LRRC4C: variants seen among roughly 807,000 people sequenced by gnomAD.
LRRC4C encodes the protein leucine rich repeat containing 4C.
LRRC4C carries 5 observed loss-of-function variants against 33.6 expected under a neutral mutation model. That is an observed-to-expected ratio of 0.15 (90% CI 0.08 to 0.31). LRRC4C has a LOEUF of 0.31. Among genes scored for constraint, LRRC4C ranks in the 10% least tolerant of loss-of-function variants. LRRC4C has a pLI of 1.00. For synonymous variants in LRRC4C, 329 were observed against 302.0 expected, an observed-to-expected ratio of 1.09 and a Z score of -0.93; for missense variants, 560 against 796.7, an observed-to-expected ratio of 0.70 and a Z score of 3.58.
At chr11:40,621,657 AG>A (rs1342107287) in intron 3 of LRRC4C, among the ~76,000 whole-genome samples, 1 of 151,818 alleles carries the variant, frequency 6.6e-6, no homozygotes, top group African/African-American at 2.4e-5. Flanking sequence ...AAGATGCAGG[AG>A]GGATGGAACC....
At chr11:40,124,272 C>T (rs1856044045) in intron 6 of LRRC4C, among the ~76,000 whole-genome samples, 1 of 152,112 alleles carries the variant, frequency 6.6e-6, no homozygotes, top group African/African-American at 2.4e-5. Flanking sequence ...AAAAATATAA[C>T]TATAATATAA....
chr11:40,429,414 C>G (rs1380936732), intron 3 of LRRC4C, among the ~76,000 whole-genome samples: 1 of 152,152 alleles, frequency 6.6e-6, no homozygotes, highest in Non-Finnish European at 1.5e-5. Flanking sequence ...TTACTCTTTG[C>G]ATCCATCTTA....
intron 3 of LRRC4C, 116 bp downstream of exon 3, chr11:40,648,026 A>C (rs1298183968): frequency 6.6e-6 from 1 of 152,238 alleles, no homozygotes; most frequent in African/African-American, 2.4e-5. Context: ...CGGGAGGGAA[A>C]AGAAGCTGTC....
intron 1 of LRRC4C, among the ~76,000 whole-genome samples, chr11:41,244,055 T>C (rs1052870097): frequency 1.3e-5 from 2 of 152,132 alleles, no homozygotes; most frequent in Non-Finnish European, 2.9e-5. Flanking sequence ...ACACTTAATT[T>C]ATAGTCAGAT....
chr11:41,229,273 G>A (rs1157919037), intron 1 of LRRC4C, among the ~76,000 whole-genome samples: 3 of 152,008 alleles, frequency 2.0e-5, no homozygotes, highest in Admixed American at 6.6e-5. Flanking sequence ...TAGAAAGAAG[G>A]CAACTATCTG....
chr11:40,969,858 T>C (rs1373300320), intron 1 of LRRC4C, among the ~76,000 whole-genome samples: 28 of 152,204 alleles, frequency 1.8e-4, no homozygotes, highest in Admixed American at 1.8e-3. Context: ...GCTAATATAC[T>C]ATTCAGTTGA....
At chr11:41,358,958 T>G (rs1952255290) in intron 1 of LRRC4C, among the ~76,000 whole-genome samples, 1 of 152,122 alleles carries the variant, frequency 6.6e-6, no homozygotes, top group South Asian at 2.1e-4. Flanking sequence ...TTGTCAAAAT[T>G]TGGAAGCAAC....
chr11:41,402,606 G>T (rs1286041203), intron 1 of LRRC4C, among the ~76,000 whole-genome samples: 1 of 152,000 alleles, frequency 6.6e-6, no homozygotes, highest in East Asian at 1.9e-4. Context: ...CGTCTAAAGA[G>T]TTAACTGTCA....
At chr11:41,356,102 T>C (rs956369081) in intron 1 of LRRC4C, among the ~76,000 whole-genome samples, 1 of 152,164 alleles carries the variant, frequency 6.6e-6, no homozygotes, top group Non-Finnish European at 1.5e-5. Context: ...CCCAACAGTA[T>C]GTGATATATT....
At chr11:40,582,737 G>A (rs1484415653) in intron 3 of LRRC4C, among the ~76,000 whole-genome samples, 1 of 151,770 alleles carries the variant, frequency 6.6e-6, no homozygotes, top group Non-Finnish European at 1.5e-5. Flanking sequence ...GGTGGGTCTC[G>A]AACTCCTAAC....
At position 40,587,754 on chromosome 11, in the gene LRRC4C, C is replaced by T. The variant is rs1306634654; in HGVS notation, c.-270+60388G>A. Among the ~76,000 whole-genome samples, 15 of 150,454 alleles carry T rather than the reference C, an allele frequency of 1.0e-4. 2 individuals are homozygous for T. The highest frequency in any genetic ancestry group is 9.3e-4 in the Admixed American group (14 of 15,036). ...ATAATCATGTGGTTTTTGTCTTTGG[C>T]TCTGTTTATATGCTGGATTACATGT... On this transcript the variant is annotated intron_variant, in intron 3 of 6. Coordinates refer to ENST00000528697, the MANE Select transcript of LRRC4C (RefSeq NM_001258419.2).
At chr11:41,378,558 C>A (rs756664861) in intron 1 of LRRC4C, among the ~76,000 whole-genome samples, 2 of 152,060 alleles carry the variant, frequency 1.3e-5, no homozygotes, top group Non-Finnish European at 1.5e-5. Context: ...AATATCCATG[C>A]GGTATGCTCA....
At chr11:41,450,685 T>A (rs1590323368) in intron 1 of LRRC4C, among the ~76,000 whole-genome samples, 1 of 152,166 alleles carries the variant, frequency 6.6e-6, no homozygotes, top group African/African-American at 2.4e-5. Context: ...TAGAATTAAA[T>A]GTGTGACAGC....
At chr11:41,281,858 C>G (rs1949687656) in intron 1 of LRRC4C, among the ~76,000 whole-genome samples, 4 of 152,212 alleles carry the variant, frequency 2.6e-5, no homozygotes, top group Admixed American at 2.6e-4. Context: ...GCTATAAATA[C>G]TACCCCAAAT....
intron 2 of LRRC4C, among the ~76,000 whole-genome samples, chr11:40,857,135 A>T (rs990865985): frequency 6.6e-6 from 1 of 152,220 alleles, no homozygotes; most frequent in African/African-American, 2.4e-5. Context: ...TTTATAAGAC[A>T]CAATGCCTTG....
At chr11:40,224,804 T>C (rs1406274961) in intron 5 of LRRC4C, among the ~76,000 whole-genome samples, 2 of 152,224 alleles carry the variant, frequency 1.3e-5, no homozygotes, top group African/African-American at 4.8e-5. Flanking sequence ...CAATAAAGAC[T>C]TGTGATATCC....
chr11:41,016,768 G>C (rs978237015), intron 1 of LRRC4C, among the ~76,000 whole-genome samples: 1 of 152,092 alleles, frequency 6.6e-6, no homozygotes, highest in South Asian at 2.1e-4. Flanking sequence ...TAGCTCACTC[G>C]ACTCTGAAAG....
At chr11:40,737,591 A>C (rs1386707285) in intron 2 of LRRC4C, among the ~76,000 whole-genome samples, 1 of 151,948 alleles carries the variant, frequency 6.6e-6, no homozygotes, top group African/African-American at 2.4e-5. Context: ...AAAAACAGAG[A>C]GCCAAATCAC....
chr11:40,889,370 C>A (rs1955601722), intron 2 of LRRC4C, among the ~76,000 whole-genome samples: 1 of 152,042 alleles, frequency 6.6e-6, no homozygotes, highest in African/African-American at 2.4e-5. Context: ...TATCTGCATG[C>A]AAATATACAT....
Sources: allele counts gnomAD v4.1 joint callset (sites outside exome capture counted in the v4.1 genomes callset), GRCh38; gene constraint gnomAD v4.1.1; transcripts MANE v1.5; gene names NCBI Gene and HGNC (gene_info 2026-07-23, HGNC 2026-07-21).